CEP170B: variants seen among roughly 807,000 people sequenced by gnomAD.
The protein encoded by CEP170B is centrosomal protein 170B, also known as centrosomal protein of 170 kDa protein B.
Under a neutral mutation model 120.6 loss-of-function variants are expected in CEP170B, and 55 were observed. That is an observed-to-expected ratio of 0.46 (90% CI 0.37 to 0.57). CEP170B has a LOEUF of 0.57. Among genes scored for constraint, CEP170B ranks in the 20% least tolerant of loss-of-function variants. The pLI is 0.00. For missense variants in CEP170B, 2,212 were observed against 2,253.3 expected, an observed-to-expected ratio of 0.98 and a Z score of 0.37; for synonymous variants, 1,033 against 954.5, an observed-to-expected ratio of 1.08 and a Z score of -1.52.
chr14:104,877,881 G>A lies in CEP170B; in HGVS notation c.196-4G>A. The A allele has an allele frequency of 7.5e-7, 1 of 1,331,522 alleles. No homozygotes were observed. Among genetic ancestry groups the A allele is most frequent in the Non-Finnish European group, 1.0e-6 (1 of 975,174 alleles). The allele number at this position is 1,331,522 out of a possible 1,614,324, so 82.5% of individuals were successfully genotyped here. ...CCCCCCCCCCGCCACCTGTTTTCCT[G>A]CAGACGTTTGTGAATGACATGCGCA... is the stretch of plus-strand genomic sequence containing the variant. On this transcript the variant is annotated splice_polypyrimidine_tract_variant and splice_region_variant and intron_variant, in intron 3 of 18. Coordinates refer to ENST00000414716, the MANE Select transcript of CEP170B (RefSeq NM_001112726.3).
Position 104,896,198 on chromosome 14 carries a change from C to T in CEP170B, c.*1240C>T, listed in dbSNP as rs1457961641. On this transcript the variant is annotated 3_prime_UTR_variant, in exon 19 of 19. Coordinates refer to ENST00000414716, the MANE Select transcript of CEP170B (RefSeq NM_001112726.3). ...TGGACAGGGCCAGCTGCTGGGGGAGCGGCACTGGGGACTGGAGGCTGGAAG... is the reference window on the plus strand; with the variant it reads ...TGGACAGGGCCAGCTGCTGGGGGAGTGGCACTGGGGACTGGAGGCTGGAAG... The T allele has an allele frequency of 2.8e-5, 6 of 213,976 alleles. No individual in the cohort carries two copies. Among genetic ancestry groups the T allele is most frequent in the Middle Eastern group, 1.9e-3 (1 of 538 alleles). The allele number at this position is 213,976 out of a possible 1,614,324, so 13.3% of individuals were successfully genotyped here.
rs1000067146 is a variant in CEP170B, at chr14:104,883,806, AGGTG to A, written c.1052-22_1052-19del. On this transcript the variant is annotated intron_variant, in intron 8 of 18. Transcript: ENST00000414716. ...CTGTTTCCTTTCTCTCGGCCTGACA[AGGTG>A]GGGTCCCCTGTCTCCCCCAGGCCAC... 5 of 1,506,228 alleles carry A rather than the reference AGGTG, an allele frequency of 3.3e-6. No individual in the cohort carries two copies. In the African/African-American group the frequency reaches 7.0e-5, roughly 21 times the overall value. The allele number at this position is 1,506,228 out of a possible 1,614,324, so 93.3% of individuals were successfully genotyped here. A position where few individuals can be genotyped will look rare whatever the true frequency, so the allele number is the denominator to read the frequency against.
intron 6 of CEP170B, among the ~76,000 whole-genome samples, chr14:104,882,482 G>A (rs1896207398): frequency 6.6e-6 from 1 of 150,552 alleles, no homozygotes; most frequent in Non-Finnish European, 1.5e-5. Flanking sequence ...GGGCCAGGCA[G>A]GCAGGGAGCC....
Position 104,884,234 on chromosome 14 carries a change from C to T in CEP170B, c.1455C>T (p.Thr485=). 1 of 1,543,716 alleles carries T rather than the reference C, an allele frequency of 6.5e-7. No homozygotes were observed. Among genetic ancestry groups the T allele is most frequent in the Non-Finnish European group, 8.7e-7 (1 of 1,146,810 alleles). The part of the protein sequence containing the change: ...RLGSPSPASR[T]PARPFGSVGR... ...GCAGCCCCTCGCCCGCCTCCCGAACCCCTGCCCGCCCCTTCGGAAGCGTGG... is the reference window on the plus strand; with the variant it reads ...GCAGCCCCTCGCCCGCCTCCCGAACTCCTGCCCGCCCCTTCGGAAGCGTGG... Residue 485 remains threonine, a synonymous_variant, in exon 9 of 19, where the codon ACC becomes ACT. Transcript: ENST00000414716.
At chr14:104,889,539 C>T (rs948318202) in intron 12 of CEP170B, 81 bp from the exon 13 acceptor site, 10 of 1,595,774 alleles carry the variant, frequency 6.3e-6, no homozygotes, top group South Asian at 2.2e-5. Flanking sequence ...CAGCAGGGCT[C>T]GGATTACACG....
chr14:104,890,161 CATGG>C (rs1335815849), intron 13 of CEP170B, among the ~76,000 whole-genome samples: 121 of 12,990 alleles, frequency 9.3e-3, no homozygotes, highest in African/African-American at 0.026. Flanking sequence ...TGGATGGATG[CATGG>C]ATGGATGGAT....
rs773342186 is a variant in CEP170B, at chr14:104,867,454, G to A, written c.-27-970G>A. ...CTGCTGAAGGGAGCCCCAGGATTCTGAGACTCTGTGTCTTGGTCACAGCTG... is the reference window on the plus strand; with the variant it reads ...CTGCTGAAGGGAGCCCCAGGATTCTAAGACTCTGTGTCTTGGTCACAGCTG... On this transcript the variant is annotated intron_variant, in intron 1 of 18. Transcript: ENST00000414716. This position sits in a 1 kb window ranked among gnomAD's most constrained non-coding sequence, Gnocchi z 5.4. Among the ~76,000 whole-genome samples, 5 of 152,192 alleles carry A rather than the reference G, an allele frequency of 3.3e-5. No homozygotes were observed. Among genetic ancestry groups the A allele is most frequent in the Non-Finnish European group, 7.3e-5 (5 of 68,032 alleles).
rs943357584 is a variant in CEP170B, at chr14:104,888,022, G to C, written c.3739+44G>C. ...GGGAGGCCAGGGCCAAGACAGGGCT[G>C]CCAGTGGGTCTGCAGCATCTTGGAT... On this transcript the variant is annotated intron_variant, in intron 12 of 18. Coordinates refer to ENST00000414716, the MANE Select transcript of CEP170B (RefSeq NM_001112726.3). 4 of 1,444,592 alleles carry C rather than the reference G, an allele frequency of 2.8e-6. No homozygotes were observed. The African/African-American group carries it at 4.3e-5, about 15-fold the overall frequency. The allele number at this position is 1,444,592 out of a possible 1,614,324, so 89.5% of individuals were successfully genotyped here.
At chr14:104,877,729 G>A (rs977184897) in intron 3 of CEP170B, among the ~76,000 whole-genome samples, 156 bp from the exon 4 acceptor site, 15 of 151,978 alleles carry the variant, frequency 9.9e-5, no homozygotes, top group African/African-American at 3.6e-4. Flanking sequence ...GGACAGTGCT[G>A]CACAGGCCAT....
intron 14 of CEP170B, 58 bp downstream of exon 14, chr14:104,893,193 C>T: frequency 6.5e-7 from 1 of 1,545,322 alleles, no homozygotes; most frequent in Non-Finnish European, 8.7e-7. Flanking sequence ...GAGGGTCAGG[C>T]CAGGTCCCCA....
In CEP170B at chr14:104,886,447, C is replaced by G. The variant is rs372100514; in HGVS notation, c.2208C>G (p.Leu736=). 1.8e-4 allele frequency: 276 copies of G among 1,572,270 alleles called. 4 individuals carry two copies. In the South Asian group the frequency reaches 3.0e-3, roughly 17 times the overall value. ...PELDSEQPSR[L]FGQEELDPDS... Reference sequence around the variant, plus strand: ...TGGACAGTGAGCAGCCCAGCCGCCTCTTCGGCCAGGAGGAGTTGGATCCTG... The same window carrying G: ...TGGACAGTGAGCAGCCCAGCCGCCTGTTCGGCCAGGAGGAGTTGGATCCTG... Residue 736 remains leucine, a synonymous_variant, in exon 12 of 19, where the codon CTC becomes CTG. Coordinates refer to ENST00000414716, the MANE Select transcript of CEP170B (RefSeq NM_001112726.3).
intron 6 of CEP170B, among the ~76,000 whole-genome samples, chr14:104,880,737 AC>A (rs1205581473): frequency 6.6e-6 from 1 of 150,550 alleles, no homozygotes; most frequent in Non-Finnish European, 1.5e-5. Flanking sequence ...GCACACCCAC[AC>A]CACTCACCCC....
rs1035726644 is a variant in CEP170B, at chr14:104,867,177, G to A, written c.-27-1247G>A. 6.6e-6 allele frequency among the ~76,000 whole-genome samples: 1 copy of A among 152,144 alleles called. No homozygotes were observed. Among genetic ancestry groups the A allele is most frequent in the African/African-American group, 2.4e-5 (1 of 41,418 alleles). Reference sequence around the variant, plus strand: ...CTTTAGGGACTTCATCCCCTTCCAGGACTAGCCACAGGACTCCCAGGGGTA... The same window carrying A: ...CTTTAGGGACTTCATCCCCTTCCAGAACTAGCCACAGGACTCCCAGGGGTA... On this transcript the variant is annotated intron_variant, in intron 1 of 18. Coordinates refer to ENST00000414716, the MANE Select transcript of CEP170B (RefSeq NM_001112726.3). The surrounding 1 kb of genome is among the most constrained non-coding windows in gnomAD (Gnocchi z 5.4).
rs1400843201 is a variant in CEP170B at position 104,886,147 on chromosome 14, C to T, written c.2035+17C>T. The T allele has an allele frequency of 1.3e-6, 2 of 1,520,966 alleles. No homozygotes were observed. Among genetic ancestry groups the T allele is most frequent in the Non-Finnish European group, 1.8e-6 (2 of 1,135,794 alleles). The allele number at this position is 1,520,966 out of a possible 1,614,324, so 94.2% of individuals were successfully genotyped here. The stretch of plus-strand genomic sequence containing the variant: ...GCCTCACAGGTAAGTGGCTCCAGTG[C>T]TGCGGGGGAGTCGGGCCAGGCCGGG... On this transcript the variant is annotated intron_variant, in intron 11 of 18. Transcript: ENST00000414716.
intron 12 of CEP170B, among the ~76,000 whole-genome samples, chr14:104,888,553 G>A (rs1396456411): frequency 1.3e-5 from 2 of 152,242 alleles, no homozygotes; most frequent in African/African-American, 4.8e-5. Context: ...CACAGCAAGC[G>A]GGGATGGTCC....
rs1265968400 is a variant in CEP170B, at chr14:104,895,830, CA to C, written c.*875del. The C allele has an allele frequency of 1.3e-5, 2 of 152,718 alleles. No individual in the cohort carries two copies. The highest frequency in any genetic ancestry group is 2.9e-5 in the Non-Finnish European group (2 of 68,312). 9.5% of individuals were successfully genotyped at this position (152,718 alleles called of 1,614,324 possible). A position where few individuals can be genotyped will look rare whatever the true frequency, so the allele number is the denominator to read the frequency against. ...CTTCTGGCGGGGGTGAGCGCACGAC[CA>C]AAGTCACTGGAAGCCGGGTTTCCGG... On this transcript the variant is annotated 3_prime_UTR_variant, in exon 19 of 19. Coordinates refer to ENST00000414716, the MANE Select transcript of CEP170B (RefSeq NM_001112726.3).
chr14:104,889,519 G>T, intron 12 of CEP170B, 101 bp from the exon 13 acceptor site: 2 of 1,581,488 alleles, frequency 1.3e-6, no homozygotes, highest in Non-Finnish European at 8.5e-7. Context: ...ACCAAGACAC[G>T]AGGCGCCGGC....
chr14:104,887,529 G>A lies in CEP170B; in HGVS notation c.3290G>A (p.Arg1097His), dbSNP rs773646448. 13 of 1,610,672 alleles carry A rather than the reference G, an allele frequency of 8.1e-6. No homozygotes were observed. The highest frequency in any genetic ancestry group is 4.0e-5 in the African/African-American group (3 of 74,938). Residue 1097 changes from arginine to histidine, a missense_variant, in exon 12 of 19, where the codon CGT (arginine) becomes CAT (histidine). Transcript: ENST00000414716. ...CCAGCTGCCCGGGAGGAGCAGAGCC[G>A]TAGCTCAGCCAGCTCCCAGAAGGGG... is the stretch of plus-strand genomic sequence containing the variant. ...PSPAAREEQS[R>H]SSASSQKGPQ...
At chr14:104,877,833 G>GCCCCCCCCCCCCCCCCCCC in intron 3 of CEP170B, 52 bp from the exon 4 acceptor site, 4 of 359,694 alleles carry the variant, frequency 1.1e-5, no homozygotes, top group Admixed American at 5.8e-5. Context: ...CCTGCCCACA[G>GCCCCCCCCCCCCCCCCCCC]CCACCCACCC....
Sources: gnomAD v4.1 joint callset for allele counts (sites outside exome capture counted in the v4.1 genomes callset) on GRCh38, gnomAD v4.1.1 for gene constraint, Gnocchi (gnomAD v3.1) non-coding constraint, MANE v1.5 for transcripts, NCBI Gene and HGNC (gene_info 2026-07-23, HGNC 2026-07-21) for gene names.